The following CADPS variants were observed in gnomAD, a reference collection of about 807,000 sequenced individuals.
CADPS encodes calcium-dependent secretion activator 1.
Under a neutral mutation model 167.3 loss-of-function variants are expected in CADPS, and 57 were observed. The observed-to-expected ratio is 0.34, with a 90% confidence interval of 0.28 to 0.42. The LOEUF (loss-of-function observed/expected upper bound fraction) is 0.42, where lower values mean the gene tolerates loss of function less well. Ranked by LOEUF, CADPS falls within the 20% of genes least tolerant of loss-of-function variation. The pLI is 1.00. For synonymous variants in CADPS, 676 were observed against 635.3 expected (o/e 1.06, Z -0.96); for missense variants, 1,414 against 1,738.1 (o/e 0.81, Z 3.32).
At chr3:62,632,534 G>A (rs555183511) in intron 6 of CADPS, among the ~76,000 whole-genome samples, 4 of 152,176 alleles carry the variant, frequency 2.6e-5, no homozygotes, top group Middle Eastern at 3.4e-3. Context: ...AGTCAAGCCT[G>A]ATTTATTTAC....
chr3:62,864,331 A>T (rs2081315575), intron 1 of CADPS, among the ~76,000 whole-genome samples: 1 of 152,210 alleles, frequency 6.6e-6, no homozygotes, highest in African/African-American at 2.4e-5. Flanking sequence ...TAAAGTCATG[A>T]TTAGGGATGA....
chr3:62,417,388 G>T (rs530093629), intron 28 of CADPS, among the ~76,000 whole-genome samples: 15 of 140,328 alleles, frequency 1.1e-4, no homozygotes, highest in Non-Finnish European at 2.0e-4. Context: ...AGGTTCAAGC[G>T]ATTCTCAGGC....
At chr3:62,403,525 TC>T in intron 28 of CADPS, 1 of 165,634 alleles carries the variant, frequency 6.0e-6, no homozygotes, top group Non-Finnish European at 1.3e-5. Context: ...CCATTTATAT[TC>T]AATACATTAA....
chr3:62,599,780 T>TATATTATATATATAG (rs1491429269), intron 6 of CADPS, among the ~76,000 whole-genome samples: 1 of 12,310 alleles, frequency 8.1e-5, no homozygotes, highest in Non-Finnish European at 1.4e-4. Context: ...AATATATATA[T>TATATTATATATATAG]TATATATAAT....
At chr3:62,538,578 C>G (rs2075159906) in intron 11 of CADPS, among the ~76,000 whole-genome samples, 1 of 152,126 alleles carries the variant, frequency 6.6e-6, no homozygotes, top group South Asian at 2.1e-4. Context: ...GGCATTTTGG[C>G]TAGCAGCAGC....
chr3:62,546,708 A>G (rs888129794), intron 11 of CADPS, among the ~76,000 whole-genome samples: 5 of 152,196 alleles, frequency 3.3e-5, no homozygotes, highest in African/African-American at 1.2e-4. Context: ...TGAACAATAC[A>G]GTGTAATAAC....
intron 3 of CADPS, among the ~76,000 whole-genome samples, chr3:62,715,508 C>T (rs1321702326): frequency 6.7e-6 from 1 of 150,288 alleles, no homozygotes; most frequent in African/African-American, 2.4e-5. Flanking sequence ...AAATGTTTTA[C>T]ATGAACCTTA....
At chr3:62,430,353 T>G (rs2053668170) in intron 28 of CADPS, among the ~76,000 whole-genome samples, 1 of 152,176 alleles carries the variant, frequency 6.6e-6, no homozygotes, top group Non-Finnish European at 1.5e-5. Flanking sequence ...TACTATTCAC[T>G]GCAATAGGGC....
At chr3:62,449,438 T>G (rs2057722674) in intron 26 of CADPS, among the ~76,000 whole-genome samples, 1 of 152,172 alleles carries the variant, frequency 6.6e-6, no homozygotes, top group Admixed American at 6.5e-5. Context: ...AGAACCAGGA[T>G]GAGAATCTTT....
chr3:62,462,149 T>C (rs981455332), intron 26 of CADPS, among the ~76,000 whole-genome samples: 9 of 152,230 alleles, frequency 5.9e-5, no homozygotes, highest in African/African-American at 1.9e-4. Context: ...AAGCACATCT[T>C]GTAGTCAAGG....
At chr3:62,612,317 T>C (rs528497968) in intron 6 of CADPS, among the ~76,000 whole-genome samples, 15 of 152,350 alleles carry the variant, frequency 9.8e-5, no homozygotes, top group African/African-American at 2.6e-4. Context: ...ACATAAAGCA[T>C]TGGACGCATA....
In CADPS at chr3:62,516,652, G is replaced by T. The variant is rs747726981; in HGVS notation, c.2394-9C>A. The T allele has an allele frequency of 1.9e-6, 3 of 1,593,798 alleles. No homozygotes were observed. The highest frequency in any genetic ancestry group is 2.6e-6 in the Non-Finnish European group (3 of 1,167,010). Reference sequence around the variant, plus strand: ...CAAATGGAAAGCAATACCTAAAAAAGACAAAATTCTTCAGGTTGCCTAAAT... The same window carrying T: ...CAAATGGAAAGCAATACCTAAAAAATACAAAATTCTTCAGGTTGCCTAAAT... On this transcript the variant is annotated splice_polypyrimidine_tract_variant and intron_variant, in intron 14 of 29. Transcript: ENST00000383710.
chr3:62,771,513 A>G (rs1353852563), intron 1 of CADPS, among the ~76,000 whole-genome samples: 1 of 152,178 alleles, frequency 6.6e-6, no homozygotes, highest in African/African-American at 2.4e-5. Context: ...CCTTGCACGA[A>G]TAAACTGAAA....
intron 17 of CADPS, among the ~76,000 whole-genome samples, chr3:62,506,072 T>A (rs1576963582): frequency 1.3e-5 from 2 of 152,140 alleles, no homozygotes; most frequent in Admixed American, 1.3e-4. Context: ...GAGAATAACA[T>A]CAGGTTTCTT....
At chr3:62,599,794 TATAATATATAATAA>T (rs2059596103) in intron 6 of CADPS, among the ~76,000 whole-genome samples, 1 of 32,458 alleles carries the variant, frequency 3.1e-5, no homozygotes, top group African/African-American at 1.5e-4. Flanking sequence ...ATATAATATA[TATAATATATAATAA>T]ATAATATATT....
At chr3:62,683,298 T>G (rs556145527) in intron 3 of CADPS, among the ~76,000 whole-genome samples, 1 of 151,968 alleles carries the variant, frequency 6.6e-6, no homozygotes, top group South Asian at 2.1e-4. Context: ...ACACAGAGGA[T>G]GGATTGGAAG....
chr3:62,638,301 T>C (rs1399711659), intron 6 of CADPS, among the ~76,000 whole-genome samples: 1 of 152,090 alleles, frequency 6.6e-6, no homozygotes, highest in Non-Finnish European at 1.5e-5. Context: ...GGATTTAGAA[T>C]TTCCCCCTCA....
chr3:62,770,424 T>G (rs2088303844), intron 1 of CADPS, among the ~76,000 whole-genome samples: 1 of 147,718 alleles, frequency 6.8e-6, no homozygotes, highest in South Asian at 2.1e-4. Flanking sequence ...ATTCCTTTTT[T>G]GTTTGTTTGT....
chr3:62,684,158 A>G (rs1196253199), intron 3 of CADPS, among the ~76,000 whole-genome samples: 1 of 152,030 alleles, frequency 6.6e-6, no homozygotes, highest in East Asian at 1.9e-4. Flanking sequence ...TATGTTTTCC[A>G]TTTCTGTCTC....
Sources: allele counts gnomAD v4.1 joint callset (sites outside exome capture counted in the v4.1 genomes callset), GRCh38; gene constraint gnomAD v4.1.1; transcripts MANE v1.5; gene names NCBI Gene and HGNC (gene_info 2026-07-23, HGNC 2026-07-21).